Variants in EPB41L1 observed in about 807,000 individuals in gnomAD.
The protein encoded by EPB41L1 is erythrocyte membrane protein band 4.1 like 1.
In EPB41L1, 29 loss-of-function variants were observed where a neutral mutation model predicts 97.8. That is an observed-to-expected ratio of 0.30 (90% CI 0.22 to 0.40). The LOEUF (loss-of-function observed/expected upper bound fraction) is 0.40. Ranked by LOEUF, EPB41L1 falls within the 10% of genes least tolerant of loss-of-function variation. The pLI, the probability that EPB41L1 is intolerant of heterozygous loss-of-function variation, is 1.00. For synonymous variants in EPB41L1, 383 were observed against 459.2 expected (o/e 0.83, Z 2.12); for missense variants, 812 against 1,162.3 (o/e 0.70, Z 4.38).
chr20:36,166,781 C>G (rs1051051472), intron 1 of EPB41L1, among the ~76,000 whole-genome samples: 2 of 152,110 alleles, frequency 1.3e-5, no homozygotes, highest in Non-Finnish European at 1.5e-5. Context: ...AGGAGAATTG[C>G]TTGAACCTGG....
At chr20:36,102,977 C>T (rs915876967) in intron 1 of EPB41L1, among the ~76,000 whole-genome samples, 2 of 152,192 alleles carry the variant, frequency 1.3e-5, no homozygotes, top group African/African-American at 4.8e-5. Context: ...CTGTTCCTCC[C>T]TGCCAAGAAT....
At chr20:36,169,566 T>C (rs1430188111) in intron 1 of EPB41L1, among the ~76,000 whole-genome samples, 1 of 152,182 alleles carries the variant, frequency 6.6e-6, no homozygotes, top group East Asian at 1.9e-4. Flanking sequence ...GGCTGTTTGG[T>C]GCTCACCTTT....
chr20:36,179,459 A>G (rs1466774606), intron 5 of EPB41L1, among the ~76,000 whole-genome samples: 1 of 152,244 alleles, frequency 6.6e-6, no homozygotes, highest in Non-Finnish European at 1.5e-5. Context: ...GTCTTCCAAC[A>G]CCATCCTGTG....
intron 2 of EPB41L1, chr20:36,148,806 C>T (rs953348169): frequency 6.6e-6 from 1 of 152,290 alleles, no homozygotes; most frequent in African/African-American, 2.4e-5. Flanking sequence ...GCTGAGGTTC[C>T]CAGCTTTGAG....
At chr20:36,174,439 A>G (rs979871375) in intron 2 of EPB41L1, among the ~76,000 whole-genome samples, 2 of 152,018 alleles carry the variant, frequency 1.3e-5, no homozygotes, top group African/African-American at 4.8e-5. Flanking sequence ...CGCCTAGCTA[A>G]TTTATATATT....
chr20:36,205,638 T>C (rs1389484160), intron 14 of EPB41L1, among the ~76,000 whole-genome samples: 1 of 152,148 alleles, frequency 6.6e-6, no homozygotes, highest in Non-Finnish European at 1.5e-5. Flanking sequence ...AATTGGTCAA[T>C]AATTTATCAA....
At chr20:36,205,799 C>T (rs1169758628) in intron 14 of EPB41L1, 1 of 1,246,386 alleles carries the variant, frequency 8.0e-7, no homozygotes, top group African/African-American at 1.6e-5. Flanking sequence ...ACCCATTCTT[C>T]AGGTACCTGA....
chr20:36,115,721 G>A (rs1052387168), intron 2 of EPB41L1, among the ~76,000 whole-genome samples: 7 of 152,010 alleles, frequency 4.6e-5, no homozygotes, highest in African/African-American at 9.7e-5. Flanking sequence ...GTGAAACCCC[G>A]TCTCTACTAA....
intron 2 of EPB41L1, among the ~76,000 whole-genome samples, chr20:36,139,570 A>C (rs1337163313): frequency 6.6e-6 from 1 of 152,194 alleles, no homozygotes; most frequent in East Asian, 1.9e-4. Flanking sequence ...ACAGAAGTTT[A>C]AATTTTTCCT....
At chr20:36,156,063 C>G (rs2060286761) in intron 1 of EPB41L1, among the ~76,000 whole-genome samples, 1 of 152,220 alleles carries the variant, frequency 6.6e-6, no homozygotes, top group African/African-American at 2.4e-5. Context: ...GTGTGCCTCT[C>G]TGCCCACCCA....
At chr20:36,225,485 C>T (rs1005870804) in intron 21 of EPB41L1, among the ~76,000 whole-genome samples, 4 of 152,078 alleles carry the variant, frequency 2.6e-5, no homozygotes, top group South Asian at 2.1e-4. Flanking sequence ...TTAGGGAGTC[C>T]GCGTGCAGCC....
chr20:36,190,622 G>T lies in EPB41L1; in HGVS notation c.1125G>T (p.Arg375=). Residue 375 remains arginine, a splice_region_variant and synonymous_variant, in exon 11 of 22, where the codon CGG becomes CGT. Transcript: ENST00000338074. The surrounding 1 kb of genome is among the most constrained non-coding windows in gnomAD (Gnocchi z 5.8). ...CCTCCCCTGCATCCCTCTGCTGCAG[G>T]CTGGTGTCCCCTGAGCCCCCACCCA... ...KVCIEHHTFF[R]LVSPEPPPKG... 1.2e-6 allele frequency: 2 copies of T among 1,613,934 alleles called. No individual in the cohort carries two copies. Among genetic ancestry groups the T allele is most frequent in the Non-Finnish European group, 1.7e-6 (2 of 1,180,004 alleles).
At chr20:36,127,531 T>G (rs112062313) in intron 2 of EPB41L1, among the ~76,000 whole-genome samples, 79 of 152,278 alleles carry the variant, frequency 5.2e-4, no homozygotes, top group African/African-American at 1.9e-3. Context: ...CTTTCACTAA[T>G]CCTGGGCAGC....
intron 7 of EPB41L1, among the ~76,000 whole-genome samples, chr20:36,186,990 T>C (rs2061710136): frequency 6.6e-6 from 1 of 152,208 alleles, no homozygotes; most frequent in Non-Finnish European, 1.5e-5. Context: ...TTACTCAATG[T>C]CTCTGTGCCG....
In EPB41L1 at chr20:36,195,348, C is replaced by T. The variant is rs908608231; in HGVS notation, c.1469C>T (p.Pro490Leu). 10 of 1,613,906 alleles carry T rather than the reference C, an allele frequency of 6.2e-6. No homozygotes were observed. The highest frequency in any genetic ancestry group is 1.1e-5 in the South Asian group (1 of 91,078). ...KELKPEQETT[P>L]RHKQEFLDKP... ...CACTAGCCGGAGCAGGAAACCACGCCGAGACACAAGCAGGAGGTACTGCAT... is the reference window on the plus strand; with the variant it reads ...CACTAGCCGGAGCAGGAAACCACGCTGAGACACAAGCAGGAGGTACTGCAT... The change falls in exon 13 of 22, where the codon CCG becomes CTG. Residue 490 changes from proline to leucine, a missense_variant. Physicochemically the swap from Pro to Leu is moderately conservative, Grantham distance 98. This residue lies in a region of EPB41L1 where 498 missense variants were observed against 622.7 expected (regional missense o/e 0.80). Transcript: ENST00000338074. The surrounding 1 kb of genome is among the most constrained non-coding windows in gnomAD (Gnocchi z 4.6).
Position 36,232,617 on chromosome 20 carries a change from T to C in EPB41L1, c.*3277T>C. 1 of 392,254 alleles carries C rather than the reference T, an allele frequency of 2.5e-6. No homozygotes were observed. The allele number at this position is 392,254 out of a possible 1,614,324, so 24.3% of individuals were successfully genotyped here. ...GCATGAGCAACATCACTCGAAATAA[T>C]TTTTTTTTTCAAAAGCACCTTAACA... On this transcript the variant is annotated 3_prime_UTR_variant, in exon 22 of 22. Coordinates refer to ENST00000338074, the MANE Select transcript of EPB41L1 (RefSeq NM_012156.2).
intron 1 of EPB41L1, among the ~76,000 whole-genome samples, chr20:36,098,896 A>G (rs2057919155): frequency 6.6e-6 from 1 of 152,186 alleles, no homozygotes. Flanking sequence ...CGAGGTGGGC[A>G]GATCATCTGA....
At chr20:36,132,589 A>G (rs1260551529) in intron 2 of EPB41L1, among the ~76,000 whole-genome samples, 1 of 139,936 alleles carries the variant, frequency 7.1e-6, no homozygotes, top group Non-Finnish European at 1.5e-5. Flanking sequence ...GCGCATTATT[A>G]TGCCTGCCAC....
At chr20:36,193,087 C>T (rs186441358) in intron 11 of EPB41L1, among the ~76,000 whole-genome samples, 2 of 152,294 alleles carry the variant, frequency 1.3e-5, no homozygotes, top group Non-Finnish European at 2.9e-5. Context: ...GGAAAGGTCC[C>T]TCCCCTGTAG....
Sources: gnomAD v4.1 joint callset for allele counts (sites outside exome capture counted in the v4.1 genomes callset) on GRCh38, gnomAD v4.1.1 for gene constraint, gnomAD v4.1.1 regional missense constraint, Gnocchi (gnomAD v3.1) non-coding constraint, MANE v1.5 for transcripts, NCBI Gene and HGNC (gene_info 2026-07-23, HGNC 2026-07-21) for gene names.